FDXR: variants seen among roughly 807,000 people sequenced by gnomAD.
FDXR encodes the protein ferredoxin reductase.
FDXR carries 38 observed loss-of-function variants against 58.3 expected under a neutral mutation model. The ratio of observed to expected loss-of-function variants is 0.65; its 90% confidence interval spans 0.50 to 0.85. The LOEUF (loss-of-function observed/expected upper bound fraction) is 0.85, where lower values mean the gene tolerates loss of function less well. FDXR is among the 40% of genes least tolerant of loss of function. The pLI is 0.00. For missense variants in FDXR, 624 were observed against 671.0 expected (o/e 0.93, Z 0.77); for synonymous variants, 275 against 273.8 (o/e 1.00, Z -0.04).
chr17:74,868,806 C>G, intron 2 of FDXR: 1 of 1,404,444 alleles, frequency 7.1e-7, no homozygotes, highest in East Asian at 2.5e-5. Context: ...TAACCCACTC[C>G]CTCCTGCGAC....
intron 8 of FDXR, 40 bp from the exon 9 acceptor site, chr17:74,864,387 C>T (rs772588733): frequency 1.3e-6 from 2 of 1,595,294 alleles, no homozygotes; most frequent in Non-Finnish European, 1.7e-6. Flanking sequence ...GTCCCTGGGC[C>T]CCGGCCCTCT....
intron 2 of FDXR, chr17:74,868,475 G>A (rs1361261414): frequency 5.0e-6 from 5 of 993,668 alleles, no homozygotes; most frequent in South Asian, 1.4e-5. Context: ...AAAAATCTTC[G>A]CTGGGGCCCA....
At chr17:74,869,469 C>T (rs2038301013) in intron 2 of FDXR, among the ~76,000 whole-genome samples, 1 of 152,200 alleles carries the variant, frequency 6.6e-6, no homozygotes, top group Non-Finnish European at 1.5e-5. Flanking sequence ...CTCACCTCCT[C>T]ACGCCTTACT....
chr17:74,871,801 CTGCCACTGACCACT>C (rs2038383007), intron 2 of FDXR, among the ~76,000 whole-genome samples: 1 of 152,162 alleles, frequency 6.6e-6, no homozygotes, highest in Admixed American at 6.5e-5. Context: ...AGCTGACCAC[CTGCCACTGACCACT>C]CACCACCAAT....
chr17:74,864,181 T>C lies in FDXR; in HGVS notation c.969A>G (p.Ala323=). 6.2e-7 allele frequency: 1 copy of C among 1,612,686 alleles called. No homozygotes were observed. Among genetic ancestry groups the C allele is most frequent in the Non-Finnish European group, 8.5e-7 (1 of 1,179,978 alleles). The change falls in exon 9 of 12, where the codon GCA becomes GCG. Residue 323 remains alanine, a synonymous_variant. Coordinates refer to ENST00000293195, the MANE Select transcript of FDXR (RefSeq NM_024417.5). ...QVLPSPDGRR[A]AGVRLAVTRL... Reference sequence around the variant, plus strand: ...TAGTGACTGCTAGGCGGACACCTGCTGCCCGCCGCCCATCTGGTGAGGGCA... The same window carrying C: ...TAGTGACTGCTAGGCGGACACCTGCCGCCCGCCGCCCATCTGGTGAGGGCA...
intron 3 of FDXR, 47 bp from the exon 4 acceptor site, chr17:74,866,615 C>A: frequency 6.2e-7 from 1 of 1,612,472 alleles, no homozygotes. Context: ...TAAGGCAGCT[C>A]CAGGGACCAA....
chr17:74,862,549 A>C lies in FDXR; in HGVS notation c.*268T>G, dbSNP rs2037997748. On this transcript the variant is annotated 3_prime_UTR_variant, in exon 12 of 12. Coordinates refer to ENST00000293195, the MANE Select transcript of FDXR (RefSeq NM_024417.5). The stretch of plus-strand genomic sequence containing the variant: ...CATGTTCCCAACCTGGTGACCCTCC[A>C]CAGTCCAGCAGTAGAGAGATGGGTA... 2.5e-6 allele frequency: 1 copy of C among 400,042 alleles called. No homozygotes were observed. Among genetic ancestry groups the C allele is most frequent in the African/African-American group, 2.0e-5 (1 of 49,004 alleles). The allele number at this position is 400,042 out of a possible 1,614,324, so 24.8% of individuals were successfully genotyped here.
chr17:74,862,922 G>T lies in FDXR; in HGVS notation c.1371C>A (p.Asp457Glu), dbSNP rs538544564. 1 of 1,612,692 alleles carries T rather than the reference G, an allele frequency of 6.2e-7. No individual in the cohort carries two copies. The highest frequency in any genetic ancestry group is 1.1e-5 in the South Asian group (1 of 91,086). Residue 457 changes from aspartate to glutamate, a missense_variant, in exon 12 of 12, where the codon GAC becomes GAA. Coordinates refer to ENST00000293195, the MANE Select transcript of FDXR (RefSeq NM_024417.5). ...SRGVRPVSFS[D>E]WEKLDAEEVA... ...CCTCCTCGGCATCCAGCTTCTCCCAGTCTGAGAAAGAGACTGGCCGGACCC... is the reference window on the plus strand; with the variant it reads ...CCTCCTCGGCATCCAGCTTCTCCCATTCTGAGAAAGAGACTGGCCGGACCC...
chr17:74,863,631 C>G (rs1218131412), intron 10 of FDXR, among the ~76,000 whole-genome samples: 1 of 152,210 alleles, frequency 6.6e-6, no homozygotes, highest in East Asian at 1.9e-4. Flanking sequence ...CCAATCCCAG[C>G]ACTAAGCACA....
At position 74,866,849 on chromosome 17, in the gene FDXR, C is replaced by T. The variant is rs773183528; in HGVS notation, c.205G>A (p.Glu69Lys). 1.9e-6 allele frequency: 3 copies of T among 1,614,064 alleles called. No homozygotes were observed. The highest frequency in any genetic ancestry group is 2.2e-5 in the East Asian group (1 of 44,892). The change falls in exon 3 of 12, where the codon GAG (glutamate) becomes AAG (lysine). Residue 69 changes from glutamate (E) to lysine (K), a missense_variant. By Grantham distance (56) the Glu-to-Lys change is moderately conservative (BLOSUM62 1). Transcript: ENST00000293195. ...KHPQAHVDIY[E>K]KQPVPFGLVR... ...AGGCCAAAGGGCACAGGCTGTTTCTCGTAGATGTCCACGTGGGCCTGGGGG... is the reference window on the plus strand; with the variant it reads ...AGGCCAAAGGGCACAGGCTGTTTCTTGTAGATGTCCACGTGGGCCTGGGGG...
chr17:74,868,234 C>A (rs549340921), intron 2 of FDXR: 44 of 520,048 alleles, frequency 8.5e-5, no homozygotes, highest in Non-Finnish European at 1.4e-4. Context: ...ACCCACAAAG[C>A]GCTCTGGGCT....
Position 74,864,225 on chromosome 17 carries a change from G to C in FDXR, c.925C>G (p.Arg309Gly), listed in dbSNP as rs760030067. Reference protein sequence around the residue: ...ASRAWGLRFFRSPQQVLPSPD... With the variant: ...ASRAWGLRFFGSPQQVLPSPD... ...GAGGGCAGCACCTGCTGGGGGCTTC[G>C]GAAAAAGCGGAGGCCCCAGGCACGG... Residue 309 changes from arginine to glycine, a missense_variant, in exon 9 of 12, where the codon CGA becomes GGA. Transcript: ENST00000293195. 3 of 1,608,366 alleles carry C rather than the reference G, an allele frequency of 1.9e-6. No homozygotes were observed. The highest frequency in any genetic ancestry group is 2.5e-6 in the Non-Finnish European group (3 of 1,176,500).
At position 74,866,137 on chromosome 17, in the gene FDXR, G is replaced by T; in HGVS notation, c.501C>A (p.Asn167Lys). ...GCGTGCTCCCCATACTCACCTCCTG[G>T]TTCTCAGGAAGCCCGTTGTACCAGC... ...FVGWYNGLPENQELEPDLSCD... is the reference protein window; with the variant it reads ...FVGWYNGLPEKQELEPDLSCD... The change falls in exon 5 of 12, where the codon AAC (asparagine) becomes AAA (lysine). Residue 167 changes from asparagine (N) to lysine (K), a missense_variant. By Grantham distance (94) the Asn-to-Lys change is moderately conservative. Transcript: ENST00000293195. 1 of 1,611,002 alleles carries T rather than the reference G, an allele frequency of 6.2e-7. No individual in the cohort carries two copies. The highest frequency in any genetic ancestry group is 8.5e-7 in the Non-Finnish European group (1 of 1,177,754).
intron 10 of FDXR, among the ~76,000 whole-genome samples, chr17:74,863,640 C>A (rs546186346): frequency 6.6e-6 from 1 of 152,334 alleles, no homozygotes; most frequent in South Asian, 2.1e-4. Flanking sequence ...GCACTAAGCA[C>A]AGGGCCTAAC....
intron 6 of FDXR, 74 bp from the exon 7 acceptor site, chr17:74,865,005 C>T (rs944057459): frequency 2.5e-6 from 4 of 1,602,264 alleles, no homozygotes; most frequent in Non-Finnish European, 3.4e-6. Flanking sequence ...GGTCATGTCC[C>T]CACCGTGGGC....
At position 74,863,160 on chromosome 17, in the gene FDXR, G is replaced by A. The variant is rs2038034134; in HGVS notation, c.1261C>T (p.Leu421=). Residue 421 remains leucine (L), a synonymous_variant, in exon 11 of 12, where the codon CTG becomes TTG. Transcript: ENST00000293195. ...AACCCAGCCTTCAGGTCCTGCAGCAGCATCTGGCCGGTGAGGAAGCTGTCA... is the reference window on the plus strand; with the variant it reads ...AACCCAGCCTTCAGGTCCTGCAGCAACATCTGGCCGGTGAGGAAGCTGTCA... ...MTDSFLTGQM[L]LQDLKAGLLP... is the part of the protein sequence containing the mutation. The A allele has an allele frequency of 6.2e-7, 1 of 1,613,824 alleles. No homozygotes were observed. The highest frequency in any genetic ancestry group is 8.5e-7 in the Non-Finnish European group (1 of 1,179,978).
At chr17:74,870,929 A>T (rs1334155013) in intron 2 of FDXR, among the ~76,000 whole-genome samples, 1 of 151,736 alleles carries the variant, frequency 6.6e-6, no homozygotes, top group East Asian at 1.9e-4. Context: ...CAGCCTCCCA[A>T]GTACCTGGGA....
intron 6 of FDXR, among the ~76,000 whole-genome samples, chr17:74,865,343 C>T (rs536799498): frequency 1.4e-4 from 22 of 152,106 alleles, no homozygotes; most frequent in African/African-American, 4.6e-4. Flanking sequence ...GTAGACAGGT[C>T]TATGGGAGGA....
intron 2 of FDXR, among the ~76,000 whole-genome samples, chr17:74,870,595 A>G (rs1403486191): frequency 6.6e-6 from 1 of 151,568 alleles, no homozygotes; most frequent in African/African-American, 2.4e-5. Context: ...ATCAGCTAAA[A>G]AAAAACTGTC....
Sources: gnomAD v4.1 joint callset for allele counts (sites outside exome capture counted in the v4.1 genomes callset) on GRCh38, gnomAD v4.1.1 for gene constraint, MANE v1.5 for transcripts, NCBI Gene and HGNC (gene_info 2026-07-23, HGNC 2026-07-21) for gene names.